The following FNDC3A variants were observed in gnomAD, a reference collection of about 807,000 sequenced individuals.
FNDC3A encodes fibronectin type-III domain-containing protein 3A.
FNDC3A carries 32 observed loss-of-function variants against 148.9 expected under a neutral mutation model. The ratio of observed to expected loss-of-function variants is 0.21; its 90% CI spans 0.16 to 0.29. FNDC3A has a LOEUF of 0.29. FNDC3A is among the 10% of genes least tolerant of loss of function. The pLI, the probability that FNDC3A is intolerant of heterozygous loss-of-function variation, is 1.00. For synonymous variants in FNDC3A, 472 were observed against 473.6 expected (o/e 1.00, Z 0.04); for missense variants, 1,191 against 1,452.8 (o/e 0.82, Z 2.93).
chr13:49,081,276 G>A (rs1422719866), intron 3 of FNDC3A, among the ~76,000 whole-genome samples: 1 of 152,160 alleles, frequency 6.6e-6, no homozygotes, highest in Non-Finnish European at 1.5e-5. Context: ...ACATGTAAGA[G>A]AGAAAATTAT....
intron 13 of FNDC3A, among the ~76,000 whole-genome samples, chr13:49,177,012 G>C (rs530384613): frequency 1.3e-5 from 2 of 152,236 alleles, no homozygotes; most frequent in Middle Eastern, 3.4e-3. Flanking sequence ...TGCCTAGGCT[G>C]GTCTCACACT....
intron 1 of FNDC3A, among the ~76,000 whole-genome samples, chr13:48,985,358 A>C (rs1951768984): frequency 6.6e-6 from 1 of 152,184 alleles, no homozygotes. Context: ...TATCCATTTC[A>C]AATGTACGTT....
intron 8 of FNDC3A, among the ~76,000 whole-genome samples, chr13:49,153,555 T>G (rs1017798438): frequency 1.3e-5 from 2 of 152,322 alleles, no homozygotes; most frequent in African/African-American, 4.8e-5. Flanking sequence ...GTCTTTTGTT[T>G]CCATTGCTTT....
Position 49,198,279 on chromosome 13 carries a change from A to T in FNDC3A, c.2774+14A>T, listed in dbSNP as rs375302529. 82 of 1,611,162 alleles carry T rather than the reference A, an allele frequency of 5.1e-5. No individual in the cohort carries two copies. The highest frequency in any genetic ancestry group is 6.9e-5 in the Non-Finnish European group (81 of 1,178,626). ...TACAACATACAGGTATACTCTAAAAATTATGTTGATTTTTGCCTAGACCAG... is the reference window on the plus strand; with the variant it reads ...TACAACATACAGGTATACTCTAAAATTTATGTTGATTTTTGCCTAGACCAG... On this transcript the variant is annotated intron_variant, in intron 22 of 25. Transcript: ENST00000492622.
At chr13:49,023,671 T>C (rs935331684) in intron 2 of FNDC3A, among the ~76,000 whole-genome samples, 2 of 151,930 alleles carry the variant, frequency 1.3e-5, no homozygotes, top group African/African-American at 2.4e-5. Context: ...CAGAATCCTG[T>C]AGAAATTGTT....
At chr13:49,072,823 C>T (rs867705675) in intron 2 of FNDC3A, among the ~76,000 whole-genome samples, 2 of 149,158 alleles carry the variant, frequency 1.3e-5, no homozygotes, top group South Asian at 4.3e-4. Context: ...GTGTCCTACA[C>T]CTTTACTAAA....
intron 19 of FNDC3A, among the ~76,000 whole-genome samples, chr13:49,191,823 A>G (rs1011707919): frequency 6.6e-6 from 1 of 152,132 alleles, no homozygotes; most frequent in Admixed American, 6.5e-5. Context: ...TTTTGCCCAA[A>G]TGAAAAAAAA....
chr13:49,003,173 C>G (rs1952157280), intron 1 of FNDC3A, among the ~76,000 whole-genome samples: 1 of 152,178 alleles, frequency 6.6e-6, no homozygotes, highest in Non-Finnish European at 1.5e-5. Flanking sequence ...TCAAGTGATT[C>G]TCCTGCCTCA....
At chr13:49,019,958 A>G (rs1160029407) in intron 2 of FNDC3A, among the ~76,000 whole-genome samples, 8 of 152,204 alleles carry the variant, frequency 5.3e-5, no homozygotes, top group Admixed American at 2.6e-4. Flanking sequence ...AGTTTCTTTG[A>G]CTGAAGTATA....
chr13:49,115,917 T>C (rs1404008414), intron 4 of FNDC3A, among the ~76,000 whole-genome samples: 1 of 152,228 alleles, frequency 6.6e-6, no homozygotes, highest in Admixed American at 6.5e-5. Context: ...TTACTACAGA[T>C]TTCCTTGACA....
chr13:49,193,733 G>A (rs4942806), intron 19 of FNDC3A, among the ~76,000 whole-genome samples: 151,156 of 152,206 alleles, frequency 0.99, 75,070 homozygotes, highest in Middle Eastern at 1. Context: ...CAGCCTGACC[G>A]ACATGGTGAA....
At position 49,071,391 on chromosome 13, in the gene FNDC3A, T is replaced by C. The variant is rs562148939; in HGVS notation, c.100-3898T>C. On this transcript the variant is annotated intron_variant, in intron 2 of 25. Transcript: ENST00000492622. ...GATTTCCTTTCTTTTGGACATATAC[T>C]CAGCAGTAGGATTGCTGGGTCATAT... Among the ~76,000 whole-genome samples, 17 of 152,284 alleles carry C rather than the reference T, an allele frequency of 1.1e-4. No homozygotes were observed. The South Asian group carries it at 3.5e-3, about 32-fold the overall frequency.
At chr13:49,120,318 C>G (rs1478714776) in intron 4 of FNDC3A, among the ~76,000 whole-genome samples, 1 of 152,134 alleles carries the variant, frequency 6.6e-6, no homozygotes, top group East Asian at 1.9e-4. Flanking sequence ...CCAGGCCTGC[C>G]TTACAAGAGC....
chr13:49,207,306 G>A lies in FNDC3A; in HGVS notation c.3508G>A (p.Asp1170Asn). ...ESTRTRRALS[D>N]EQCAAVILVL... ...CACAAGGACCCGACGGGCACTGAGTGACGAGCAGTGTGCTGCCGTCATCCT... is the reference window on the plus strand; with the variant it reads ...CACAAGGACCCGACGGGCACTGAGTAACGAGCAGTGTGCTGCCGTCATCCT... The change falls in exon 26 of 26, where the codon GAC becomes AAC. Residue 1170 changes from aspartate to asparagine, a missense_variant. Asp to Asn is a conservative substitution (Grantham distance 23). Transcript: ENST00000492622. 6.2e-7 allele frequency: 1 copy of A among 1,614,156 alleles called. No individual in the cohort carries two copies. The highest frequency in any genetic ancestry group is 1.1e-5 in the South Asian group (1 of 91,084).
chr13:49,201,824 A>G lies in FNDC3A; in HGVS notation c.3012A>G (p.Pro1004=), dbSNP rs762387227. 12 of 1,553,304 alleles carry G rather than the reference A, an allele frequency of 7.7e-6. 1 individual carries two copies. The South Asian group carries it at 1.4e-4, about 19-fold the overall frequency. The change falls in exon 24 of 26, where the codon CCA becomes CCG. Residue 1004 remains proline (P), a synonymous_variant. Transcript: ENST00000492622. ...GGTTTGTATCCCTATACAGAGGACCATGTCATACATACAAAGTACAAAGAC... is the reference window on the plus strand; with the variant it reads ...GGTTTGTATCCCTATACAGAGGACCGTGTCATACATACAAAGTACAAAGAC... ...NGRFVSLYRG[P]CHTYKVQRLN...
At chr13:48,988,704 A>G (rs1315867751) in intron 1 of FNDC3A, among the ~76,000 whole-genome samples, 2 of 151,840 alleles carry the variant, frequency 1.3e-5, no homozygotes, top group African/African-American at 2.4e-5. Flanking sequence ...TAAGTAAGTA[A>G]GCCAGGCATG....
At chr13:49,126,424 A>G (rs1347621033) in intron 4 of FNDC3A, among the ~76,000 whole-genome samples, 2 of 152,108 alleles carry the variant, frequency 1.3e-5, no homozygotes, top group Admixed American at 6.6e-5. Flanking sequence ...CTGAAAACTG[A>G]AGCTCTGAAC....
At chr13:49,093,890 C>CA (rs1879351937) in intron 3 of FNDC3A, among the ~76,000 whole-genome samples, 1 of 152,152 alleles carries the variant, frequency 6.6e-6, no homozygotes, top group Non-Finnish European at 1.5e-5. Context: ...CTGGGGCAAA[C>CA]AGAGTCTCTT....
intron 8 of FNDC3A, among the ~76,000 whole-genome samples, chr13:49,149,924 G>A (rs1378018726): frequency 6.6e-6 from 1 of 152,172 alleles, no homozygotes; most frequent in Non-Finnish European, 1.5e-5. Context: ...TAGGTAGTAT[G>A]TATCTAGGAA....
Sources: allele counts gnomAD v4.1 joint callset (sites outside exome capture counted in the v4.1 genomes callset), GRCh38; gene constraint gnomAD v4.1.1; transcripts MANE v1.5; gene names NCBI Gene and HGNC (gene_info 2026-07-23, HGNC 2026-07-21).